The following USE1 variants were observed in gnomAD, a reference collection of about 807,000 sequenced individuals.
USE1 encodes the protein vesicle transport protein USE1.
USE1 carries 32 observed loss-of-function variants against 37.6 expected under a neutral mutation model. The ratio of observed to expected loss-of-function variants is 0.85; its 90% CI spans 0.64 to 1.14. The LOEUF (loss-of-function observed/expected upper bound fraction) is 1.14. Ranked by LOEUF, USE1 falls within the 50% of genes most tolerant of loss-of-function variation. The pLI is 0.00. For synonymous variants in USE1, 149 were observed against 137.6 expected (o/e 1.08, Z -0.58); for missense variants, 310 against 332.2 (o/e 0.93, Z 0.52).
rs1454612358 is a variant in USE1, at chr19:17,219,756, C to T, written c.723C>T (p.Val241=). The change falls in exon 8 of 8, where the codon GTC becomes GTT. Residue 241 remains valine (V), a synonymous_variant. Transcript: ENST00000263897. ...TGCTCTGGGCCATGCTCATTATCGT[C>T]TGCTTCATCTTCATTAGCATGATCC... ...NWLLWAMLII[V]CFIFISMILF... is the part of the protein sequence containing the mutation. 6 of 1,612,196 alleles carry T rather than the reference C, an allele frequency of 3.7e-6. No individual in the cohort carries two copies. The highest frequency in any genetic ancestry group is 2.2e-5 in the East Asian group (1 of 44,866).
In USE1 at chr19:17,219,401, G is replaced by C; in HGVS notation, c.597+14G>C. The C allele has an allele frequency of 6.5e-7, 1 of 1,548,758 alleles. No individual in the cohort carries two copies. The highest frequency in any genetic ancestry group is 1.4e-5 in the African/African-American group (1 of 73,118). ...AAGGACAACCAGGTGTGGGGACTGG[G>C]GGAGCTCTCCAGCCTCTGCCCTGGG... On this transcript the variant is annotated intron_variant, in intron 7 of 7. Transcript: ENST00000263897.
intron 7 of USE1, 88 bp downstream of exon 7, chr19:17,219,475 C>T (rs955199503): frequency 1.0e-5 from 15 of 1,451,398 alleles, no homozygotes; most frequent in South Asian, 9.6e-5. Context: ...TGGGGCTTTG[C>T]GGGATGAATA....
intron 1 of USE1, 131 bp from the exon 2 acceptor site, chr19:17,215,671 A>T: frequency 1.5e-6 from 1 of 686,270 alleles, no homozygotes; most frequent in Non-Finnish European, 2.2e-6. Context: ...CGTCCCTGGG[A>T]CTCCGCCCCT....
In USE1 at chr19:17,216,089, G is replaced by A. The variant is rs1568308838; in HGVS notation, c.231+19G>A. On this transcript the variant is annotated intron_variant, in intron 3 of 7. Transcript: ENST00000263897. Reference sequence around the variant, plus strand: ...GAAGCTGGTGAGAAGGGGTGCCCCTGCCCCCTCAGCCCCCATCACCGCTCA... The same window carrying A: ...GAAGCTGGTGAGAAGGGGTGCCCCTACCCCCTCAGCCCCCATCACCGCTCA... 6 of 1,613,022 alleles carry A rather than the reference G, an allele frequency of 3.7e-6. No homozygotes were observed. The highest frequency in any genetic ancestry group is 1.3e-5 in the African/African-American group (1 of 74,920).
Sources: allele counts gnomAD v4.1 joint callset, GRCh38; gene constraint gnomAD v4.1.1; transcripts MANE v1.5; gene names NCBI Gene and HGNC (gene_info 2026-07-23, HGNC 2026-07-21).